Variants in SHTN1 observed in about 807,000 individuals in gnomAD.
The protein encoded by SHTN1 is shootin 1.
SHTN1 carries 42 observed loss-of-function variants against 83.1 expected under a neutral mutation model. The observed-to-expected ratio is 0.51, with a 90% CI of 0.39 to 0.65. The LOEUF (loss-of-function observed/expected upper bound fraction) is 0.65, where lower values mean the gene tolerates loss of function less well. SHTN1 is among the 30% of genes least tolerant of loss of function. The probability of loss-of-function intolerance (pLI) is 0.00; values close to 1 mark genes in which losing one functional copy is unlikely to be tolerated. For synonymous variants in SHTN1, 224 were observed against 247.7 expected, an observed-to-expected ratio of 0.90 and a Z score of 0.90; for missense variants, 622 against 737.8, an observed-to-expected ratio of 0.84 and a Z score of 1.82.
intron 16 of SHTN1, among the ~76,000 whole-genome samples, chr10:116,897,665 C>T (rs1381449901): frequency 1.3e-5 from 2 of 152,168 alleles, no homozygotes; most frequent in Non-Finnish European, 2.9e-5. Flanking sequence ...ATCTAATTTA[C>T]ATGACAGTCC....
chr10:116,883,916 C>T lies in SHTN1; in HGVS notation c.*2428G>A, dbSNP rs1169068118. 2 of 200,236 alleles carry T rather than the reference C, an allele frequency of 1.0e-5. No homozygotes were observed. Among genetic ancestry groups the T allele is most frequent in the African/African-American group, 4.8e-5 (2 of 41,756 alleles). 12.4% of individuals were successfully genotyped at this position (200,236 alleles called of 1,614,324 possible). On this transcript the variant is annotated 3_prime_UTR_variant, in exon 17 of 17. Coordinates refer to ENST00000355371, the MANE Select transcript of SHTN1 (RefSeq NM_001127211.3). ...GTGCTTTAATTAAAATCTTATTCTT[C>T]CAGAAAAAAAAAGAGACATTTTCTT...
chr10:117,119,779 C>T (rs1035587237), intron 1 of SHTN1, among the ~76,000 whole-genome samples: 2 of 151,768 alleles, frequency 1.3e-5, no homozygotes, highest in Non-Finnish European at 2.9e-5. Flanking sequence ...GCAACCTAAG[C>T]GTCTATCGAC....
intron 1 of SHTN1, among the ~76,000 whole-genome samples, chr10:117,112,195 G>T (rs1205151056): frequency 6.6e-6 from 1 of 151,972 alleles, no homozygotes; most frequent in Non-Finnish European, 1.5e-5. Context: ...CGAATTCCTG[G>T]GCTCAAGAGA....
chr10:116,973,819 G>T, intron 2 of SHTN1: 1 of 1,188,170 alleles, frequency 8.4e-7, no homozygotes, highest in Non-Finnish European at 1.1e-6. Flanking sequence ...ATTTAAACAT[G>T]CCCAGCATCA....
intron 1 of SHTN1, among the ~76,000 whole-genome samples, chr10:117,062,747 G>A (rs1278836381): frequency 1.3e-5 from 2 of 152,166 alleles, no homozygotes; most frequent in Non-Finnish European, 2.9e-5. Context: ...TAGATATAAA[G>A]GGAAGCTCTT....
chr10:116,986,235 T>G (rs1851213954), intron 1 of SHTN1, among the ~76,000 whole-genome samples: 1 of 152,058 alleles, frequency 6.6e-6, no homozygotes, highest in Admixed American at 6.6e-5. Flanking sequence ...AAAAACAAAT[T>G]GAAAATCAAC....
intron 14 of SHTN1, 172 bp downstream of exon 14, chr10:116,911,618 T>C: frequency 1.3e-6 from 2 of 1,552,690 alleles, no homozygotes; most frequent in Non-Finnish European, 1.7e-6. Context: ...TGAAAAATTA[T>C]TAACATATGT....
At chr10:116,951,808 C>G in intron 6 of SHTN1, 101 bp downstream of exon 6, 1 of 501,094 alleles carries the variant, frequency 2.0e-6, no homozygotes. Flanking sequence ...ACATGGTTCT[C>G]ATGTTAGAAA....
At chr10:116,963,586 T>G (rs995535148) in intron 3 of SHTN1, among the ~76,000 whole-genome samples, 3 of 152,164 alleles carry the variant, frequency 2.0e-5, no homozygotes, top group Admixed American at 6.5e-5. Flanking sequence ...CTACTAATCT[T>G]TTAGAAATAT....
At chr10:116,949,270 G>A (rs559148308) in intron 6 of SHTN1, among the ~76,000 whole-genome samples, 2 of 152,074 alleles carry the variant, frequency 1.3e-5, no homozygotes, top group Admixed American at 6.5e-5. Flanking sequence ...GCCATCCAAT[G>A]TATATGATAC....
At chr10:116,998,956 G>A (rs1468255968) in intron 1 of SHTN1, among the ~76,000 whole-genome samples, 1 of 152,106 alleles carries the variant, frequency 6.6e-6, no homozygotes, top group Non-Finnish European at 1.5e-5. Context: ...AGCTAAACAT[G>A]AGTTCACACT....
chr10:117,048,387 G>T, intron 2 of SHTN1: 1 of 609,628 alleles, frequency 1.6e-6, no homozygotes. Flanking sequence ...AGATAGGAAA[G>T]ATTCATTTTA....
intron 9 of SHTN1, among the ~76,000 whole-genome samples, chr10:116,938,940 C>A (rs1849267130): frequency 6.6e-6 from 1 of 152,218 alleles, no homozygotes; most frequent in Non-Finnish European, 1.5e-5. Context: ...CCAGTCCGAA[C>A]TTCCTGGTGG....
chr10:116,964,506 C>A (rs181655990), intron 3 of SHTN1, among the ~76,000 whole-genome samples: 2 of 152,284 alleles, frequency 1.3e-5, no homozygotes, highest in East Asian at 3.9e-4. Context: ...TAACTCCCAG[C>A]GATATTTAGA....
chr10:117,037,652 C>T (rs766380082), intron 2 of SHTN1, among the ~76,000 whole-genome samples: 2 of 152,158 alleles, frequency 1.3e-5, no homozygotes, highest in Non-Finnish European at 2.9e-5. Flanking sequence ...AGCTTTAAAA[C>T]TTACCATAAA....
intron 1 of SHTN1, among the ~76,000 whole-genome samples, chr10:116,992,137 G>A (rs906226851): frequency 2.0e-5 from 3 of 152,040 alleles, no homozygotes; most frequent in Admixed American, 6.6e-5. Context: ...GTGAGATGCT[G>A]TCTCAAAAAA....
In SHTN1 at chr10:116,886,562, G is replaced by A. The variant is rs2133294488; in HGVS notation, c.1678C>T (p.Pro560Ser). 1 of 1,614,078 alleles carries A rather than the reference G, an allele frequency of 6.2e-7. No individual in the cohort carries two copies. Among genetic ancestry groups the A allele is most frequent in the East Asian group, 2.2e-5 (1 of 44,862 alleles). ...CTSSKVTFQP[P>S]SSIGCRKKYI... The stretch of plus-strand genomic sequence containing the variant: ...TTTTTCCTGCATCCAATGCTACTGG[G>A]AGGCCTATGAGATGAAGAGTTAGAC... Residue 560 changes from proline to serine, a missense_variant, in exon 17 of 17, where the codon CCC becomes TCC. Pro to Ser is a moderately conservative substitution (Grantham distance 74). Coordinates refer to ENST00000355371, the MANE Select transcript of SHTN1 (RefSeq NM_001127211.3).
chr10:116,941,446 AT>A (rs1242613932), intron 8 of SHTN1, among the ~76,000 whole-genome samples: 1 of 152,184 alleles, frequency 6.6e-6, no homozygotes, highest in Non-Finnish European at 1.5e-5. Context: ...TTTACCTGTT[AT>A]TTCTTTTCCT....
chr10:116,992,958 T>C (rs1477709731), intron 1 of SHTN1, among the ~76,000 whole-genome samples: 2 of 151,956 alleles, frequency 1.3e-5, no homozygotes, highest in South Asian at 2.1e-4. Context: ...ATGAAAGCTG[T>C]ACTATCTTTT....
Sources: allele counts gnomAD v4.1 joint callset (sites outside exome capture counted in the v4.1 genomes callset), GRCh38; gene constraint gnomAD v4.1.1; transcripts MANE v1.5; gene names NCBI Gene and HGNC (gene_info 2026-07-23, HGNC 2026-07-21).